ATAD2: variants seen among roughly 807,000 people sequenced by gnomAD.
The protein encoded by ATAD2 is ATPase family AAA domain containing 2, also known as ATPase family AAA domain-containing protein 2.
In ATAD2, 62 loss-of-function variants were observed where a neutral mutation model predicts 168.9. The ratio of observed to expected loss-of-function variants is 0.37; its 90% CI spans 0.30 to 0.45. The LOEUF is 0.45. Among genes scored for constraint, ATAD2 ranks in the 20% least tolerant of loss-of-function variants. The probability of loss-of-function intolerance (pLI) is 1.00; values close to 1 mark genes in which losing one functional copy is unlikely to be tolerated. For synonymous variants in ATAD2, 613 were observed against 571.6 expected (o/e 1.07, Z -1.03); for missense variants, 1,419 against 1,667.8 (o/e 0.85, Z 2.60).
At chr8:123,359,772 T>TA (rs910197105) in intron 9 of ATAD2, 87 bp from the exon 10 acceptor site, 1,559 of 838,744 alleles carry the variant, frequency 1.9e-3, no homozygotes, top group East Asian at 3.0e-3. Flanking sequence ...ACATTTAAGT[T>TA]AAAAAAAAAA....
intron 1 of ATAD2, among the ~76,000 whole-genome samples, chr8:123,405,844 C>A (rs1222600181): frequency 6.6e-6 from 1 of 152,144 alleles, no homozygotes; most frequent in African/African-American, 2.4e-5. Flanking sequence ...TGCATAACTG[C>A]TATGAATAAA....
Position 123,323,084 on chromosome 8 carries a change from T to C in ATAD2, c.4003-18A>G, listed in dbSNP as rs374446667. On this transcript the variant is annotated intron_variant, in intron 26 of 27. Coordinates refer to ENST00000287394, the MANE Select transcript of ATAD2 (RefSeq NM_014109.4). ...AAAAGATTCTAAAAGAAAATATGAG[T>C]GTCAATATGTGTGAGAGAGAAACTT... 1.3e-6 allele frequency: 2 copies of C among 1,600,002 alleles called. No individual in the cohort carries two copies. Among genetic ancestry groups the C allele is most frequent in the Non-Finnish European group, 1.7e-6 (2 of 1,172,094 alleles).
intron 1 of ATAD2, among the ~76,000 whole-genome samples, chr8:123,381,314 C>T (rs893480805): frequency 9.2e-5 from 14 of 152,010 alleles, no homozygotes; most frequent in African/African-American, 2.9e-4. Flanking sequence ...ACATGGGCAA[C>T]GTGGCAAAAC....
upstream of ATAD2, chr8:123,401,217 CGAT>C (rs562454738): frequency 3.4e-3 from 3,076 of 905,932 alleles, 10 homozygotes; most frequent in Middle Eastern, 0.014. Flanking sequence ...TCGTCAATGA[CGAT>C]GATGAGCTGG....
At chr8:123,381,876 G>A (rs765546243) in intron 1 of ATAD2, among the ~76,000 whole-genome samples, 3 of 152,146 alleles carry the variant, frequency 2.0e-5, no homozygotes, top group Middle Eastern at 3.4e-3. Context: ...GTGAAACCCC[G>A]TCTCTACTAA....
At chr8:123,369,591 G>T (rs1829078649) in intron 7 of ATAD2, among the ~76,000 whole-genome samples, 2 of 152,150 alleles carry the variant, frequency 1.3e-5, no homozygotes, top group Admixed American at 6.5e-5. Context: ...AGTAAAGACA[G>T]ATATAAAATT....
rs369795336 is a variant in ATAD2, at chr8:123,375,666, C to T, written c.321-2980G>A. ...ACATGGTATATCAATACAATTGACT[C>T]TTATTCAACAATAAGAAGTACTGAG... is the stretch of plus-strand genomic sequence containing the variant. On this transcript the variant is annotated intron_variant, in intron 2 of 27. Transcript: ENST00000287394. Among the ~76,000 whole-genome samples the T allele has an allele frequency of 5.9e-5, 9 of 152,302 alleles. No homozygotes were observed. In the East Asian group the frequency reaches 1.4e-3, roughly 23 times the overall value.
At chr8:123,351,160 C>T (rs1396330528) in intron 13 of ATAD2, among the ~76,000 whole-genome samples, 1 of 152,154 alleles carries the variant, frequency 6.6e-6, no homozygotes, top group Non-Finnish European at 1.5e-5. Flanking sequence ...CATTTAAGGT[C>T]AATCAGTGGG....
intron 24 of ATAD2, among the ~76,000 whole-genome samples, chr8:123,329,426 A>G (rs1278550029): frequency 6.6e-6 from 1 of 152,004 alleles, no homozygotes; most frequent in Non-Finnish European, 1.5e-5. Flanking sequence ...AGCATATACT[A>G]GGAATTCTTC....
chr8:123,332,443 A>G (rs2084910284), intron 24 of ATAD2, among the ~76,000 whole-genome samples: 1 of 152,214 alleles, frequency 6.6e-6, no homozygotes, highest in Non-Finnish European at 1.5e-5. Flanking sequence ...AAAGTAAATA[A>G]TATCCTGATT....
intron 1 of ATAD2, among the ~76,000 whole-genome samples, chr8:123,405,260 CTT>C (rs34575964): frequency 3.5e-5 from 5 of 143,238 alleles, no homozygotes; most frequent in African/African-American, 5.2e-5. Context: ...TTCTTTCTTT[CTT>C]TTTTTTTTTT....
intron 24 of ATAD2, among the ~76,000 whole-genome samples, chr8:123,330,521 C>A (rs959552498): frequency 6.6e-6 from 1 of 152,052 alleles, no homozygotes; most frequent in Non-Finnish European, 1.5e-5. Flanking sequence ...CGCCACCGTG[C>A]CCGGCTAATT....
At chr8:123,321,956 C>T (rs1827480382) in intron 27 of ATAD2, among the ~76,000 whole-genome samples, 1 of 151,428 alleles carries the variant, frequency 6.6e-6, no homozygotes, top group Admixed American at 6.6e-5. Context: ...CACTATAATA[C>T]CTACTATAAA....
intron 14 of ATAD2, among the ~76,000 whole-genome samples, chr8:123,348,641 C>T (rs865780847): frequency 4.6e-5 from 7 of 152,196 alleles, no homozygotes; most frequent in African/African-American, 1.4e-4. Flanking sequence ...TGTGCCACTG[C>T]ACCCCAGCCT....
intron 10 of ATAD2, 65 bp downstream of exon 10, chr8:123,359,512 T>C: frequency 1.1e-5 from 16 of 1,453,316 alleles, no homozygotes; most frequent in Non-Finnish European, 4.7e-6. Flanking sequence ...GTTCCTTTTT[T>C]TAACTTTAAA....
intron 1 of ATAD2, 101 bp from the exon 2 acceptor site, chr8:123,380,778 C>T: frequency 8.3e-7 from 1 of 1,199,808 alleles, no homozygotes. Flanking sequence ...GTAAAAACTG[C>T]TTTTTGTGCA....
intron 26 of ATAD2, 81 bp downstream of exon 26, chr8:123,325,812 C>T: frequency 6.6e-7 from 1 of 1,523,970 alleles, no homozygotes; most frequent in Non-Finnish European, 8.9e-7. Context: ...TCCCATGTAG[C>T]CAGAATGCTA....
At chr8:123,337,030 G>A (rs1008772863) in intron 21 of ATAD2, among the ~76,000 whole-genome samples, 5 of 137,554 alleles carry the variant, frequency 3.6e-5, no homozygotes, top group African/African-American at 2.8e-5. Flanking sequence ...CTGGGCAACA[G>A]AGTGAGGCCT....
At chr8:123,393,184 C>CA (rs60028341) in intron 1 of ATAD2, among the ~76,000 whole-genome samples, 13,236 of 88,022 alleles carry the variant, frequency 0.15, 700 homozygotes, top group Non-Finnish European at 0.17. Context: ...AACTCCATCT[C>CA]AAAAAAAAAA....
Sources: gnomAD v4.1 joint callset for allele counts (sites outside exome capture counted in the v4.1 genomes callset) on GRCh38, gnomAD v4.1.1 for gene constraint, MANE v1.5 for transcripts, NCBI Gene and HGNC (gene_info 2026-07-23, HGNC 2026-07-21) for gene names.